Variants in CPNE7 observed in about 807,000 individuals in gnomAD.
CPNE7 encodes copine-7.
In CPNE7, 78 loss-of-function variants were observed where a neutral mutation model predicts 66.5. The observed-to-expected ratio is 1.17, with a 90% CI of 0.98 to 1.42. CPNE7 has a LOEUF of 1.42. Among genes scored for constraint, CPNE7 ranks in the 40% most tolerant of loss-of-function variants. The pLI is 0.00. For synonymous variants in CPNE7, 468 were observed against 336.7 expected, an observed-to-expected ratio of 1.39 and a Z score of -4.27; for missense variants, 1,012 against 776.6, an observed-to-expected ratio of 1.30 and a Z score of -3.60.
intron 9 of CPNE7, 110 bp downstream of exon 9, chr16:89,587,212 G>A: frequency 2.4e-6 from 1 of 413,644 alleles, no homozygotes. Context: ...CTGTGGCCCC[G>A]CCCATCCCCG....
intron 3 of CPNE7, 90 bp downstream of exon 3, chr16:89,583,861 G>T (rs534559082): frequency 6.7e-7 from 1 of 1,499,596 alleles, no homozygotes. Flanking sequence ...GCAGCGTGCC[G>T]TCCAGGGAGG....
rs411108 is a variant in CPNE7 at position 89,581,219 on chromosome 16, T to C, written c.358-2478T>C. Among the ~76,000 whole-genome samples the C allele has an allele frequency of 4.0e-4, 55 of 138,340 alleles. 1 individual carries two copies. Among genetic ancestry groups the C allele is most frequent in the African/African-American group, 1.3e-3 (47 of 35,722 alleles). The allele number at this position is 138,340 out of a possible 152,430, so 90.8% of individuals were successfully genotyped here. A position where few individuals can be genotyped will look rare whatever the true frequency, so the allele number is the denominator to read the frequency against. On this transcript the variant is annotated intron_variant, in intron 2 of 14. Coordinates refer to ENST00000319518, the MANE Select transcript of CPNE7 (RefSeq NM_153636.3). ...ACGGAATATCTGATCACCCATCACA[T>C]GGAACATCCCATCACCCACTCACAC...
In CPNE7 at chr16:89,591,240, G is replaced by A. The variant is rs761803730; in HGVS notation, c.1282G>A (p.Glu428Lys). 1.9e-6 allele frequency: 3 copies of A among 1,584,366 alleles called. No homozygotes were observed. The highest frequency in any genetic ancestry group is 2.6e-6 in the Non-Finnish European group (3 of 1,165,640). Residue 428 changes from glutamate (E) to lysine (K), a missense_variant, in exon 13 of 15, where the codon GAG becomes AAG. Physicochemically the swap from Glu to Lys is moderately conservative, Grantham distance 56 (BLOSUM62 1). Transcript: ENST00000319518. ...GGTGGCACGCGTGGCGGCGGCCGAGGAGAGCACCGGGAAAGCCTCTGTAGG... is the reference window on the plus strand; with the variant it reads ...GGTGGCACGCGTGGCGGCGGCCGAGAAGAGCACCGGGAAAGCCTCTGTAGG... ...SKVARVAAAE[E>K]STGKASQYYI...
In CPNE7 at chr16:89,577,647, G is replaced by C. The variant is rs985420874; in HGVS notation, c.283G>C (p.Asp95His). 7.5e-6 allele frequency: 12 copies of C among 1,591,506 alleles called. No individual in the cohort carries two copies. Among genetic ancestry groups the C allele is most frequent in the African/African-American group, 1.3e-5 (1 of 74,612 alleles). Residue 95 changes from aspartate to histidine, a missense_variant, in exon 2 of 15, where the codon GAC (aspartate) becomes CAC (histidine). Physicochemically the swap from Asp to His is moderately conservative, Grantham distance 81 (BLOSUM62 -1). Coordinates refer to ENST00000319518, the MANE Select transcript of CPNE7 (RefSeq NM_153636.3). ...EVQRLRFEVY[D>H]THGPSGFSCQ... ...GCAGAGGCTGCGCTTTGAGGTGTAC[G>C]ACACGCATGGGCCCAGCGGCTTCAG...
In CPNE7 at chr16:89,592,659, G is replaced by A. The variant is rs1470950121; in HGVS notation, c.1302+1399G>A. Among the ~76,000 whole-genome samples, 21 of 149,402 alleles carry A rather than the reference G, an allele frequency of 1.4e-4. No individual in the cohort carries two copies. The South Asian group carries it at 4.1e-3, about 29-fold the overall frequency. ...GGGTTTCACAGTCTTGGCCAGGCTGGTCTTAAACTCCTGACCTTGTGATCC... is the reference window on the plus strand; with the variant it reads ...GGGTTTCACAGTCTTGGCCAGGCTGATCTTAAACTCCTGACCTTGTGATCC... On this transcript the variant is annotated intron_variant, in intron 13 of 14. Transcript: ENST00000319518.
At position 89,596,749 on chromosome 16, in the gene CPNE7, C is replaced by G; in HGVS notation, c.*128C>G. ...CCTCCAGTCCCCACCAGGCCCCACTCCCAGTCCTCCTGGGATCCTGCTGGC... is the reference window on the plus strand; with the variant it reads ...CCTCCAGTCCCCACCAGGCCCCACTGCCAGTCCTCCTGGGATCCTGCTGGC... On this transcript the variant is annotated 3_prime_UTR_variant, in exon 15 of 15. Coordinates refer to ENST00000319518, the MANE Select transcript of CPNE7 (RefSeq NM_153636.3). The G allele has an allele frequency of 8.5e-7, 1 of 1,170,402 alleles. No homozygotes were observed. 72.5% of individuals were successfully genotyped at this position (1,170,402 alleles called of 1,614,324 possible).
intron 7 of CPNE7, 88 bp from the exon 8 acceptor site, chr16:89,586,582 T>G: frequency 7.7e-6 from 8 of 1,040,610 alleles, no homozygotes; most frequent in Non-Finnish European, 1.0e-5. Flanking sequence ...CCCTCTGCCG[T>G]CGCTATTGGG....
Position 89,588,700 on chromosome 16 carries a change from A to G in CPNE7, c.953A>G (p.Asn318Ser), listed in dbSNP as rs747286265. 2.2e-5 allele frequency: 35 copies of G among 1,613,244 alleles called. No homozygotes were observed. Among genetic ancestry groups the G allele is most frequent in the Middle Eastern group, 1.6e-4 (1 of 6,082 alleles). ...GTGGCCATTGACTTCACCGCCTCCA[A>G]TGGAGACCCGCGGAACAGCTGCTCC... is the stretch of plus-strand genomic sequence containing the variant. ...FTVAIDFTAS[N>S]GDPRNSCSLH... The change falls in exon 10 of 15, where the codon AAT (asparagine) becomes AGT (serine). Residue 318 changes from asparagine (N) to serine (S), a missense_variant. Transcript: ENST00000319518.
At chr16:89,585,072 C>A (rs532135321) in intron 5 of CPNE7, among the ~76,000 whole-genome samples, 1 of 152,146 alleles carries the variant, frequency 6.6e-6, no homozygotes, top group African/African-American at 2.4e-5. Context: ...CTTGTGTAGT[C>A]GTGGCTGTGA....
At position 89,587,035 on chromosome 16, in the gene CPNE7, G is replaced by A; in HGVS notation, c.868-8G>A. On this transcript the variant is annotated splice_region_variant and splice_polypyrimidine_tract_variant and intron_variant, in intron 8 of 14. Coordinates refer to ENST00000319518, the MANE Select transcript of CPNE7 (RefSeq NM_153636.3). ...GCGGGGGTGGACGCTGACTCCGCCG[G>A]CCGGAAGTTCCACAGGGTGTACTCC... 2 of 1,575,810 alleles carry A rather than the reference G, an allele frequency of 1.3e-6. No homozygotes were observed. The highest frequency in any genetic ancestry group is 8.6e-7 in the Non-Finnish European group (1 of 1,160,406).
chr16:89,583,338 C>A, intron 2 of CPNE7: 1 of 1,103,232 alleles, frequency 9.1e-7, no homozygotes, highest in Non-Finnish European at 1.3e-6. Flanking sequence ...GGCAGCCCTG[C>A]TTACCTGTGG....
chr16:89,588,206 G>C (rs1352483230), intron 9 of CPNE7, among the ~76,000 whole-genome samples: 426 of 21,026 alleles, frequency 0.02, 11 homozygotes, highest in South Asian at 0.065. Flanking sequence ...CGTGTCACCC[G>C]CGTGTCACCC....
At chr16:89,586,789 C>T (rs764274960) in intron 8 of CPNE7, 33 bp downstream of exon 8, 2 of 1,558,770 alleles carry the variant, frequency 1.3e-6, no homozygotes, top group Admixed American at 1.7e-5. Context: ...GCCTCCCCAC[C>T]CACAAGAGGG....
intron 7 of CPNE7, 26 bp from the exon 8 acceptor site, chr16:89,586,644 G>A: frequency 1.9e-6 from 3 of 1,593,564 alleles, no homozygotes; most frequent in Non-Finnish European, 2.6e-6. Context: ...ACCACTCTGG[G>A]GGGCCTCTGC....
In CPNE7 at chr16:89,584,918, C is replaced by G; in HGVS notation, c.591+61C>G. On this transcript the variant is annotated intron_variant, in intron 5 of 14. Transcript: ENST00000319518. The surrounding 1 kb of genome is among the most constrained non-coding windows in gnomAD (Gnocchi z 6.0). ...GGGGCTGTCCCCAGCCCTCACGCAT[C>G]TCTGGCCACATGGGAGGAGCTCCCA... is the stretch of plus-strand genomic sequence containing the variant. The G allele has an allele frequency of 6.9e-7, 1 of 1,450,300 alleles. No individual in the cohort carries two copies. The allele number at this position is 1,450,300 out of a possible 1,614,324, so 89.8% of individuals were successfully genotyped here. A position where few individuals can be genotyped will look rare whatever the true frequency, so the allele number is the denominator to read the frequency against.
intron 2 of CPNE7, among the ~76,000 whole-genome samples, chr16:89,582,797 G>T (rs187345997): frequency 1.0e-3 from 159 of 152,346 alleles, no homozygotes; most frequent in Non-Finnish European, 1.7e-3. Context: ...CCCAGCATCC[G>T]CCAGGCAGTA....
intron 13 of CPNE7, among the ~76,000 whole-genome samples, chr16:89,593,658 T>C (rs1324725929): frequency 6.6e-6 from 1 of 152,222 alleles, no homozygotes; most frequent in Non-Finnish European, 1.5e-5. Flanking sequence ...GGCCTACCTC[T>C]TACTATTTCA....
intron 9 of CPNE7, 36 bp from the exon 10 acceptor site, chr16:89,588,639 G>T (rs200184106): frequency 6.2e-7 from 1 of 1,611,130 alleles, no homozygotes; most frequent in Non-Finnish European, 8.5e-7. Flanking sequence ...GGGGAGCCCC[G>T]GCCCAGCACA....
chr16:89,593,590 G>GA lies in CPNE7; in HGVS notation c.1303-1776dup, dbSNP rs2059208385. Among the ~76,000 whole-genome samples the GA allele has an allele frequency of 2.0e-5, 3 of 152,074 alleles. No homozygotes were observed. In the South Asian group the frequency reaches 6.2e-4, roughly 32 times the overall value. On this transcript the variant is annotated intron_variant, in intron 13 of 14. Transcript: ENST00000319518. ...GATGGTCTCGATCTCCTGACCTCGT[G>GA]ATCCGCCCACCTCGGCCTCCCAAAG...
Sources: allele counts gnomAD v4.1 joint callset (sites outside exome capture counted in the v4.1 genomes callset), GRCh38; gene constraint gnomAD v4.1.1; non-coding constraint Gnocchi (gnomAD v3.1); transcripts MANE v1.5; gene names NCBI Gene and HGNC (gene_info 2026-07-23, HGNC 2026-07-21).